Variants in TEAD4 observed in about 807,000 individuals in gnomAD.
TEAD4 encodes the protein transcriptional enhancer factor TEF-3.
Under a neutral mutation model 52.4 loss-of-function variants are expected in TEAD4, and 36 were observed. The ratio of observed to expected loss-of-function variants is 0.69; its 90% CI spans 0.53 to 0.91. The LOEUF (loss-of-function observed/expected upper bound fraction) is 0.91, where lower values mean the gene tolerates loss of function less well. Among genes scored for constraint, TEAD4 ranks in the 40% least tolerant of loss-of-function variants. The probability of loss-of-function intolerance (pLI) is 0.00; values close to 1 mark genes in which losing one functional copy is unlikely to be tolerated. For missense variants in TEAD4, 508 were observed against 583.9 expected (o/e 0.87, Z 1.34); for synonymous variants, 220 against 231.0 (o/e 0.95, Z 0.43).
rs756629944 is a variant in TEAD4 at position 3,020,784 on chromosome 12, G to A, written c.723+11G>A. On this transcript the variant is annotated intron_variant, in intron 9 of 12. Transcript: ENST00000359864. The stretch of plus-strand genomic sequence containing the variant: ...CAGGACCCGGACACGGTAGGTCCTG[G>A]CCTCTGCCTGTCCAGCTCCCTGGTC... 2.4e-5 allele frequency: 37 copies of A among 1,572,674 alleles called. No individual in the cohort carries two copies. The highest frequency in any genetic ancestry group is 3.2e-5 in the Non-Finnish European group (37 of 1,158,162).
intron 3 of TEAD4, among the ~76,000 whole-genome samples, chr12:3,004,885 G>A (rs1273575988): frequency 6.6e-6 from 1 of 152,182 alleles, no homozygotes; most frequent in Non-Finnish European, 1.5e-5. Flanking sequence ...TGGCAGGAAG[G>A]AAGCTGCTTG....
intron 2 of TEAD4, among the ~76,000 whole-genome samples, chr12:2,985,200 T>C (rs902498025): frequency 5.3e-5 from 8 of 151,806 alleles, no homozygotes; most frequent in Admixed American, 3.9e-4. Context: ...CTGGCTAACA[T>C]GGTGAAACCC....
chr12:2,960,334 T>C, intron 2 of TEAD4: 3 of 985,410 alleles, frequency 3.0e-6, no homozygotes, highest in South Asian at 9.4e-5. Flanking sequence ...TTTTCGAGCC[T>C]GGAAGGGAGA....
At chr12:3,012,379 C>T in intron 5 of TEAD4, 147 bp downstream of exon 5, 2 of 825,178 alleles carry the variant, frequency 2.4e-6, no homozygotes, top group Non-Finnish European at 3.8e-6. Context: ...CCTGTAACCT[C>T]TCTCCCATCC....
At chr12:2,967,156 G>A (rs1192743190) in intron 2 of TEAD4, among the ~76,000 whole-genome samples, 2 of 152,102 alleles carry the variant, frequency 1.3e-5, no homozygotes, top group Non-Finnish European at 1.5e-5. Flanking sequence ...TATGTACATT[G>A]TAGGAACCCT....
chr12:3,037,580 C>A (rs1027744292), intron 10 of TEAD4, among the ~76,000 whole-genome samples: 1 of 152,186 alleles, frequency 6.6e-6, no homozygotes, highest in Non-Finnish European at 1.5e-5. Flanking sequence ...CTGATAGACG[C>A]ATTCAAACTA....
intron 8 of TEAD4, among the ~76,000 whole-genome samples, chr12:3,020,278 G>A (rs7956516): frequency 0.1 from 15,839 of 152,264 alleles, 952 homozygotes; most frequent in Non-Finnish European, 0.14. Flanking sequence ...TTATTTCCCC[G>A]ACTGGAACAG....
At chr12:3,017,375 C>T (rs747209620) in intron 5 of TEAD4, 23 bp from the exon 6 acceptor site, 59 of 1,613,810 alleles carry the variant, frequency 3.7e-5, no homozygotes, top group Non-Finnish European at 4.7e-5. Flanking sequence ...TGCTGAGGTC[C>T]TCCCTTGCAA....
At chr12:2,973,272 A>G (rs2153952963) in intron 2 of TEAD4, among the ~76,000 whole-genome samples, 1 of 152,084 alleles carries the variant, frequency 6.6e-6, no homozygotes, top group South Asian at 2.1e-4. Context: ...AGGTTTCGCC[A>G]TGTTGCCTAG....
chr12:2,991,764 C>T (rs2098243164), intron 2 of TEAD4, among the ~76,000 whole-genome samples: 1 of 152,076 alleles, frequency 6.6e-6, no homozygotes. Context: ...CTAGTTTATT[C>T]CCGAAAAAGC....
chr12:3,002,568 CGTG>C (rs1565537843), intron 3 of TEAD4, among the ~76,000 whole-genome samples: 1 of 152,210 alleles, frequency 6.6e-6, no homozygotes, highest in African/African-American at 2.4e-5. Flanking sequence ...AGCGCTATCT[CGTG>C]GTTTTTGATT....
chr12:3,027,636 G>A (rs2098272845), intron 10 of TEAD4, among the ~76,000 whole-genome samples: 1 of 152,242 alleles, frequency 6.6e-6, no homozygotes, highest in East Asian at 1.9e-4. Context: ...GGAGGACGAG[G>A]CGGGTGGATT....
chr12:3,020,591 G>T (rs377528709), intron 8 of TEAD4, 43 bp from the exon 9 acceptor site: 8 of 1,488,292 alleles, frequency 5.4e-6, no homozygotes, highest in Non-Finnish European at 6.3e-6. Context: ...GGCAGGGCGG[G>T]TGTCCGTGAC....
At chr12:2,965,013 C>T (rs1008151016) in intron 2 of TEAD4, among the ~76,000 whole-genome samples, 84 of 152,190 alleles carry the variant, frequency 5.5e-4, no homozygotes, top group African/African-American at 2.0e-3. Context: ...GACCCCAGAA[C>T]CACTGCCAGG....
intron 10 of TEAD4, among the ~76,000 whole-genome samples, chr12:3,031,871 T>C (rs538751115): frequency 1.1e-4 from 16 of 152,270 alleles, no homozygotes; most frequent in South Asian, 4.1e-4. Flanking sequence ...GGAGCCACCA[T>C]ACTAAACAGT....
At chr12:2,991,399 C>T (rs1333144224) in intron 2 of TEAD4, among the ~76,000 whole-genome samples, 5 of 152,166 alleles carry the variant, frequency 3.3e-5, no homozygotes, top group South Asian at 4.1e-4. Flanking sequence ...TGATGGCTCA[C>T]GCCTGTGATT....
At chr12:2,976,043 T>A (rs929675612) in intron 2 of TEAD4, among the ~76,000 whole-genome samples, 2 of 151,300 alleles carry the variant, frequency 1.3e-5, no homozygotes, top group Non-Finnish European at 2.9e-5. Flanking sequence ...TCTTGCTCTG[T>A]CACCCAGGCT....
At chr12:3,022,481 A>T (rs7315946) in intron 10 of TEAD4, among the ~76,000 whole-genome samples, 95,640 of 151,940 alleles carry the variant, frequency 0.63, 34,160 homozygotes, top group East Asian at 0.93. Context: ...AAGGGGAGGG[A>T]AGTGTTGGAT....
intron 3 of TEAD4, among the ~76,000 whole-genome samples, chr12:3,005,005 G>A (rs998846137): frequency 7.2e-5 from 11 of 152,246 alleles, no homozygotes; most frequent in African/African-American, 2.7e-4. Context: ...GAGGGTCTGA[G>A]ATGAGCCAGC....
Sources: gnomAD v4.1 joint callset for allele counts (sites outside exome capture counted in the v4.1 genomes callset) on GRCh38, gnomAD v4.1.1 for gene constraint, MANE v1.5 for transcripts, NCBI Gene and HGNC (gene_info 2026-07-23, HGNC 2026-07-21) for gene names.